The following GLB1 variants were observed in gnomAD, a reference collection of about 807,000 sequenced individuals.
GLB1 encodes beta-galactosidase.
In GLB1, 56 loss-of-function variants were observed where a neutral mutation model predicts 74.0. That is an observed-to-expected ratio of 0.76 (90% CI 0.61 to 0.94). GLB1 has a LOEUF of 0.94. GLB1 is among the 40% of genes least tolerant of loss of function. GLB1 has a pLI of 0.00. For missense variants in GLB1, 787 were observed against 845.5 expected (o/e 0.93, Z 0.86); for synonymous variants, 323 against 323.6 (o/e 1.00, Z 0.02).
At chr3:33,062,367 T>C (rs1196586889) in intron 5 of GLB1, among the ~76,000 whole-genome samples, 4 of 152,050 alleles carry the variant, frequency 2.6e-5, no homozygotes, top group Non-Finnish European at 5.9e-5. Flanking sequence ...GGAGTTTCAC[T>C]ATGTTGCCCA....
the GLB1 span, among the ~76,000 whole-genome samples, chr3:32,967,448 T>C: frequency 2.7e-4 from 41 of 152,288 alleles, no homozygotes; most frequent in Middle Eastern, 3.4e-3. Flanking sequence ...GTGCCTATAA[T>C]CCCAGCTACT....
At position 33,092,867 on chromosome 3, in the gene GLB1, C is replaced by T. The variant is rs749069967; in HGVS notation, c.75+4144G>A. 3.1e-6 allele frequency: 5 copies of T among 1,611,332 alleles called. No homozygotes were observed. The Admixed American group carries it at 6.7e-5, about 22-fold the overall frequency. ...ACCGCTGCAGGATGAGCTCTGTGAT[C>T]TCGGCCCTGCTACCCAGCCTCATGG... On this transcript the variant is annotated intron_variant, in intron 1 of 15. Coordinates refer to ENST00000307363, the MANE Select transcript of GLB1 (RefSeq NM_000404.4).
the GLB1 span, among the ~76,000 whole-genome samples, chr3:32,965,771 GC>G: frequency 6.6e-6 from 1 of 152,126 alleles, no homozygotes; most frequent in African/African-American, 2.4e-5. Context: ...CAGGTCCAGG[GC>G]CCCCCTGCAG....
In GLB1 at chr3:33,092,900, G is replaced by A. The variant is rs61740026; in HGVS notation, c.75+4111C>T. 2,222 of 1,614,102 alleles carry A rather than the reference G, an allele frequency of 1.4e-3. 38 individuals carry two copies. In the African/African-American group the frequency reaches 0.025, roughly 18 times the overall value. ...TGCTACCCAGCCTCATGGGTATCCC[G>A]TAGTAGGCTGTGCCTGGGCTGACAT... On this transcript the variant is annotated intron_variant, in intron 1 of 15. Transcript: ENST00000307363.
chr3:33,082,181 CT>C (rs1375734251), intron 1 of GLB1, among the ~76,000 whole-genome samples: 1 of 152,260 alleles, frequency 6.6e-6, no homozygotes, highest in Non-Finnish European at 1.5e-5. Flanking sequence ...TGCCATCACT[CT>C]CCCTTATCAC....
At chr3:32,994,104 C>G (rs1380994144), downstream of GLB1, among the ~76,000 whole-genome samples, 1 of 152,140 alleles carries the variant, frequency 6.6e-6, no homozygotes, top group Non-Finnish European at 1.5e-5. Flanking sequence ...AAACGGATGA[C>G]TACACAAATA....
chr3:32,968,849 T>C, the GLB1 span, among the ~76,000 whole-genome samples: 1 of 152,218 alleles, frequency 6.6e-6, no homozygotes, highest in Non-Finnish European at 1.5e-5. Flanking sequence ...CATAAAGTCA[T>C]GGCATCGCCC....
chr3:32,996,836 G>C lies in GLB1; in HGVS notation c.*209C>G, dbSNP rs1035169499. ...TCCAGCCCTGCAGATATGTATGCAC[G>C]TTACTGTGCTGTCAGCCCCTCACAC... On this transcript the variant is annotated 3_prime_UTR_variant, in exon 16 of 16. Transcript: ENST00000307363. 3.9e-6 allele frequency: 3 copies of C among 772,124 alleles called. No homozygotes were observed. The highest frequency in any genetic ancestry group is 4.1e-6 in the Non-Finnish European group (2 of 491,114). 47.8% of individuals were successfully genotyped at this position (772,124 alleles called of 1,614,324 possible). A position where few individuals can be genotyped will look rare whatever the true frequency, so the allele number is the denominator to read the frequency against.
intron 9 of GLB1, among the ~76,000 whole-genome samples, chr3:33,049,087 TA>T (rs1298569225): frequency 1.3e-5 from 2 of 152,176 alleles, no homozygotes; most frequent in African/African-American, 4.8e-5. Context: ...GTAAGATTTT[TA>T]AAAAATTGTG....
chr3:33,015,634 G>A (rs1697209234), intron 14 of GLB1, among the ~76,000 whole-genome samples: 1 of 152,220 alleles, frequency 6.6e-6, no homozygotes, highest in Admixed American at 6.5e-5. Flanking sequence ...ACACAACAGA[G>A]TCGAGTCACT....
At chr3:33,032,484 T>TAAC (rs1470425679) in intron 10 of GLB1, among the ~76,000 whole-genome samples, 1 of 152,228 alleles carries the variant, frequency 6.6e-6, no homozygotes, top group Non-Finnish European at 1.5e-5. Context: ...ACTAAGGTTT[T>TAAC]AACCTGGAAA....
chr3:33,048,163 G>C (rs887073150), intron 9 of GLB1, among the ~76,000 whole-genome samples: 9 of 152,140 alleles, frequency 5.9e-5, no homozygotes, highest in African/African-American at 1.9e-4. Context: ...GGGGTTGCCA[G>C]GTTGAGTTGG....
the GLB1 span, among the ~76,000 whole-genome samples, chr3:32,973,267 T>C: frequency 1.3e-5 from 2 of 152,168 alleles, no homozygotes; most frequent in Non-Finnish European, 2.9e-5. Flanking sequence ...ATGATGGAAA[T>C]TCTCTATCTT....
chr3:33,005,081 T>TC (rs1021256844), intron 15 of GLB1, among the ~76,000 whole-genome samples: 8 of 151,480 alleles, frequency 5.3e-5, no homozygotes, highest in Non-Finnish European at 1.0e-4. Context: ...GGAGAAGCAA[T>TC]CCCCCCACCT....
chr3:33,003,749 T>A (rs920948331), intron 15 of GLB1, among the ~76,000 whole-genome samples: 1 of 152,142 alleles, frequency 6.6e-6, no homozygotes, highest in Non-Finnish European at 1.5e-5. Flanking sequence ...GTAGAATCTG[T>A]CTGGGCATGG....
chr3:32,997,250 G>A lies in GLB1; in HGVS notation c.1829C>T (p.Thr610Ile), dbSNP rs760873467. The A allele has an allele frequency of 6.2e-7, 1 of 1,614,202 alleles. No individual in the cohort carries two copies. The highest frequency in any genetic ancestry group is 8.5e-7 in the Non-Finnish European group (1 of 1,180,040). Residue 610 changes from threonine (T) to isoleucine (I), a missense_variant, in exon 16 of 16, where the codon ACC becomes ATC. By Grantham distance (89) the Thr-to-Ile change is moderately conservative. Coordinates refer to ENST00000307363, the MANE Select transcript of GLB1 (RefSeq NM_000404.4). ...CACGGTGATGGTGTTTGGGGCCGAG[G>A]TCATCAGGATGTGCTGGGGCACAAA... ...TLFVPQHILM[T>I]SAPNTITVLE... is the part of the protein sequence containing the mutation.
chr3:33,036,414 A>ATG (rs1368328464), intron 10 of GLB1, among the ~76,000 whole-genome samples: 1 of 152,220 alleles, frequency 6.6e-6, no homozygotes, highest in Non-Finnish European at 1.5e-5. Context: ...TTATGTAAAT[A>ATG]TGTGTTTTAA....
At position 33,040,681 on chromosome 3, in the gene GLB1, C is replaced by G. The variant is rs530872050; in HGVS notation, c.1068+5439G>C. Among the ~76,000 whole-genome samples, 64 of 152,044 alleles carry G rather than the reference C, an allele frequency of 4.2e-4. 1 individual carries two copies. The highest frequency in any genetic ancestry group is 2.2e-3 in the Admixed American group (33 of 15,262). On this transcript the variant is annotated intron_variant, in intron 10 of 15. Transcript: ENST00000307363. ...AGCTCAGTCAAAATCACAACACACACGCAGAAACAAGACACCATGAACAAG... is the reference window on the plus strand; with the variant it reads ...AGCTCAGTCAAAATCACAACACACAGGCAGAAACAAGACACCATGAACAAG...
chr3:33,078,218 T>C (rs1700193658), intron 1 of GLB1, among the ~76,000 whole-genome samples: 2 of 152,318 alleles, frequency 1.3e-5, no homozygotes, highest in South Asian at 4.1e-4. Context: ...CAGTCCAGCC[T>C]GGGTGACAGA....
Sources: gnomAD v4.1 joint callset for allele counts (sites outside exome capture counted in the v4.1 genomes callset) on GRCh38, gnomAD v4.1.1 for gene constraint, MANE v1.5 for transcripts, NCBI Gene and HGNC (gene_info 2026-07-23, HGNC 2026-07-21) for gene names.